The following KHDRBS2 variants were observed in gnomAD, a reference collection of about 807,000 sequenced individuals.
KHDRBS2 encodes the protein KH domain-containing, RNA-binding, signal transduction-associated protein 2.
In KHDRBS2, 26 loss-of-function variants were observed where a neutral mutation model predicts 44.3. The ratio of observed to expected loss-of-function variants is 0.59; its 90% CI spans 0.43 to 0.81. The LOEUF is 0.81. Among genes scored for constraint, KHDRBS2 ranks in the 40% least tolerant of loss-of-function variants. KHDRBS2 has a pLI of 0.00. For missense variants in KHDRBS2, 476 were observed against 433.1 expected (o/e 1.10, Z -0.88); for synonymous variants, 194 against 151.1 (o/e 1.28, Z -2.08).
the KHDRBS2 span, among the ~76,000 whole-genome samples, chr6:61,549,268 T>C: frequency 6.6e-6 from 1 of 152,284 alleles, no homozygotes; most frequent in African/African-American, 2.4e-5. Flanking sequence ...GGTATAATGT[T>C]AAACAATGTG....
At chr6:61,791,976 T>A (rs1245987234) in intron 6 of KHDRBS2, among the ~76,000 whole-genome samples, 2 of 151,672 alleles carry the variant, frequency 1.3e-5, no homozygotes, top group East Asian at 3.9e-4. Context: ...ATGGTCTGTG[T>A]GTTTCTTTCC....
intron 3 of KHDRBS2, among the ~76,000 whole-genome samples, chr6:62,012,271 A>G (rs776201914): frequency 6.6e-5 from 10 of 152,144 alleles, no homozygotes; most frequent in Non-Finnish European, 1.0e-4. Context: ...CTGATCTCAA[A>G]ACACATTCCA....
intron 3 of KHDRBS2, among the ~76,000 whole-genome samples, chr6:62,037,094 A>T (rs1185558792): frequency 6.6e-6 from 1 of 151,948 alleles, no homozygotes; most frequent in Admixed American, 6.6e-5. Flanking sequence ...AATCTTTCTT[A>T]AATGATAATA....
At chr6:61,547,637 G>A in the KHDRBS2 span, among the ~76,000 whole-genome samples, 3 of 151,930 alleles carry the variant, frequency 2.0e-5, no homozygotes, top group Admixed American at 1.3e-4. Flanking sequence ...GCATCACTTC[G>A]AGAGTTTGAA....
At chr6:61,872,406 AAG>A (rs1217327124) in intron 6 of KHDRBS2, among the ~76,000 whole-genome samples, 4 of 152,160 alleles carry the variant, frequency 2.6e-5, no homozygotes, top group African/African-American at 9.6e-5. Context: ...ATAAACACAT[AAG>A]AAAAATAAGA....
At chr6:61,801,716 T>C (rs949675067) in intron 6 of KHDRBS2, among the ~76,000 whole-genome samples, 4 of 152,158 alleles carry the variant, frequency 2.6e-5, no homozygotes, top group African/African-American at 7.2e-5. Context: ...TTTGTTACAA[T>C]GGCTTTATAG....
intron 6 of KHDRBS2, chr6:61,816,640 C>T (rs1788997141): frequency 4.4e-6 from 2 of 450,416 alleles, no homozygotes; most frequent in South Asian, 1.6e-5. Flanking sequence ...TATCACAATG[C>T]TATGAAACAA....
At chr6:61,946,496 T>A (rs916835335) in intron 4 of KHDRBS2, among the ~76,000 whole-genome samples, 5 of 152,132 alleles carry the variant, frequency 3.3e-5, no homozygotes, top group African/African-American at 4.8e-5. Context: ...TCACCTAAAA[T>A]GTTTCAAACC....
chr6:61,635,971 C>G, the KHDRBS2 span, among the ~76,000 whole-genome samples: 6 of 152,050 alleles, frequency 3.9e-5, no homozygotes, highest in East Asian at 1.2e-3. Context: ...AGCTCAACAA[C>G]AATTTCCAAG....
chr6:61,546,923 G>A, the KHDRBS2 span, among the ~76,000 whole-genome samples: 12 of 152,022 alleles, frequency 7.9e-5, no homozygotes, highest in Non-Finnish European at 1.6e-4. Context: ...GATTATTCCA[G>A]TTCAGAGTCA....
chr6:61,659,879 C>G, the KHDRBS2 span, among the ~76,000 whole-genome samples: 2 of 151,826 alleles, frequency 1.3e-5, no homozygotes, highest in Admixed American at 1.3e-4. Flanking sequence ...ACCTCTTTAA[C>G]TCTTTGTTTC....
At chr6:62,151,748 A>T (rs945511943) in intron 2 of KHDRBS2, among the ~76,000 whole-genome samples, 7 of 152,216 alleles carry the variant, frequency 4.6e-5, no homozygotes, top group Non-Finnish European at 1.0e-4. Context: ...GTAATGCAAC[A>T]TAACTGAAAA....
At chr6:62,109,043 C>T (rs56184813) in intron 2 of KHDRBS2, among the ~76,000 whole-genome samples, 3,331 of 151,006 alleles carry the variant, frequency 0.022, 131 homozygotes, top group African/African-American at 0.076. Context: ...CACATGTATA[C>T]ATATGTAACT....
chr6:62,088,344 C>A (rs1271071323), intron 2 of KHDRBS2, among the ~76,000 whole-genome samples: 4 of 152,096 alleles, frequency 2.6e-5, no homozygotes, highest in Non-Finnish European at 5.9e-5. Flanking sequence ...GTTTATCCAC[C>A]TTTTGTCTTT....
intron 1 of KHDRBS2, among the ~76,000 whole-genome samples, chr6:62,209,883 G>A (rs546166100): frequency 6.6e-6 from 1 of 152,180 alleles, no homozygotes; most frequent in Non-Finnish European, 1.5e-5. Flanking sequence ...GATTTGCCAG[G>A]AGCTCTCAAG....
chr6:61,963,741 A>C (rs2127394640), intron 4 of KHDRBS2, among the ~76,000 whole-genome samples: 1 of 152,188 alleles, frequency 6.6e-6, no homozygotes, highest in South Asian at 2.1e-4. Flanking sequence ...AGGATTTTAC[A>C]AGGGTTTCTC....
At chr6:61,701,590 G>T (rs1768678462) in intron 7 of KHDRBS2, among the ~76,000 whole-genome samples, 1 of 151,970 alleles carries the variant, frequency 6.6e-6, no homozygotes, top group Non-Finnish European at 1.5e-5. Context: ...CCATGGATAA[G>T]TCCATTTATC....
At chr6:62,051,901 G>A (rs1789151767) in intron 2 of KHDRBS2, among the ~76,000 whole-genome samples, 1 of 151,888 alleles carries the variant, frequency 6.6e-6, no homozygotes, top group African/African-American at 2.4e-5. Context: ...TAATCATCAA[G>A]AAAATGCAAA....
chr6:62,068,149 C>A (rs1419150717), intron 2 of KHDRBS2, among the ~76,000 whole-genome samples: 1 of 151,262 alleles, frequency 6.6e-6, no homozygotes, highest in Non-Finnish European at 1.5e-5. Flanking sequence ...TTTAACAGTC[C>A]CACCTGTAAT....
Sources: gnomAD v4.1 joint callset for allele counts (sites outside exome capture counted in the v4.1 genomes callset) on GRCh38, gnomAD v4.1.1 for gene constraint, MANE v1.5 for transcripts, NCBI Gene and HGNC (gene_info 2026-07-23, HGNC 2026-07-21) for gene names.